The following FAM222B variants were observed in gnomAD, a reference collection of about 807,000 sequenced individuals.
The protein encoded by FAM222B is family with sequence similarity 222 member B.
Under a neutral mutation model 38.0 loss-of-function variants are expected in FAM222B, and 12 were observed. The ratio of observed to expected loss-of-function variants is 0.32; its 90% CI spans 0.20 to 0.51. The LOEUF (loss-of-function observed/expected upper bound fraction) is 0.51. Ranked by LOEUF, FAM222B falls within the 20% of genes least tolerant of loss-of-function variation. The pLI, the probability that FAM222B is intolerant of heterozygous loss-of-function variation, is 0.97. For missense variants in FAM222B, 716 were observed against 754.2 expected (o/e 0.95, Z 0.59); for synonymous variants, 329 against 317.2 (o/e 1.04, Z -0.40).
upstream of FAM222B, among the ~76,000 whole-genome samples, chr17:28,846,112 A>G (rs2039143820): frequency 6.6e-6 from 1 of 151,556 alleles, no homozygotes; most frequent in African/African-American, 2.4e-5. Context: ...CTGAGGCAGG[A>G]GAACGGCGTG....
intron 1 of FAM222B, among the ~76,000 whole-genome samples, chr17:28,772,157 C>CT (rs2035664866): frequency 6.6e-6 from 1 of 152,278 alleles, no homozygotes; most frequent in South Asian, 2.1e-4. Flanking sequence ...AGCTAATACT[C>CT]TGACGATGGG....
At chr17:28,764,286 A>G (rs2035225645) in intron 2 of FAM222B, among the ~76,000 whole-genome samples, 2 of 150,848 alleles carry the variant, frequency 1.3e-5, no homozygotes, top group African/African-American at 4.9e-5. Flanking sequence ...AAAAAAAAAA[A>G]AAAAAAAAGG....
At chr17:28,808,535 C>T (rs2037596356) in intron 1 of FAM222B, among the ~76,000 whole-genome samples, 1 of 152,346 alleles carries the variant, frequency 6.6e-6, no homozygotes, top group Non-Finnish European at 1.5e-5. Flanking sequence ...TTCAGTAACT[C>T]ACCAACAATA....
At chr17:28,770,151 C>G (rs1157798676) in intron 1 of FAM222B, among the ~76,000 whole-genome samples, 1 of 152,138 alleles carries the variant, frequency 6.6e-6, no homozygotes, top group Non-Finnish European at 1.5e-5. Context: ...CTCTCTCCAC[C>G]CCACTAGGAT....
intron 1 of FAM222B, among the ~76,000 whole-genome samples, chr17:28,795,521 G>C (rs1423992668): frequency 6.6e-6 from 1 of 152,094 alleles, no homozygotes; most frequent in Non-Finnish European, 1.5e-5. Flanking sequence ...TCGACTTCCC[G>C]GGCTCAGGTG....
At chr17:28,797,136 G>A (rs940421718) in intron 1 of FAM222B, among the ~76,000 whole-genome samples, 1 of 151,374 alleles carries the variant, frequency 6.6e-6, no homozygotes, top group Non-Finnish European at 1.5e-5. Context: ...CCGAGTAGCT[G>A]GGATTACAGA....
At chr17:28,815,404 C>CG (rs1742838454) in intron 1 of FAM222B, among the ~76,000 whole-genome samples, 1 of 151,926 alleles carries the variant, frequency 6.6e-6, no homozygotes. Context: ...TTAGTAGAGA[C>CG]GGGGTTTCAC....
chr17:28,841,875 C>G (rs921392562), intron 1 of FAM222B, among the ~76,000 whole-genome samples: 1 of 152,158 alleles, frequency 6.6e-6, no homozygotes, highest in Non-Finnish European at 1.5e-5. Context: ...ACTGGTAGTT[C>G]TGCACATGGT....
intron 1 of FAM222B, among the ~76,000 whole-genome samples, chr17:28,851,524 A>G (rs2039180852): frequency 6.6e-6 from 1 of 150,806 alleles, no homozygotes; most frequent in Non-Finnish European, 1.5e-5. Context: ...TCTCAAACGA[A>G]CAAACAAACA....
chr17:28,776,375 C>CAAA lies in FAM222B; in HGVS notation c.-40-9671_-40-9669dup, dbSNP rs35900323. On this transcript the variant is annotated intron_variant, in intron 1 of 2. Transcript: ENST00000581407. ...TGGGCAACAGAGCGAGACTCCGTCT[C>CAAA]AAAAAAAAAAAAAAAAAAAAGTCAT... is the stretch of plus-strand genomic sequence containing the variant. Among the ~76,000 whole-genome samples, 18 of 62,426 alleles carry CAAA rather than the reference C, an allele frequency of 2.9e-4. 1 individual carries two copies. Among genetic ancestry groups the CAAA allele is most frequent in the South Asian group, 2.6e-3 (4 of 1,512 alleles). 41.0% of individuals were successfully genotyped at this position (62,426 alleles called of 152,430 possible). A position where few individuals can be genotyped will look rare whatever the true frequency, so the allele number is the denominator to read the frequency against.
At chr17:28,811,174 C>T (rs1044704788) in intron 1 of FAM222B, among the ~76,000 whole-genome samples, 2 of 152,206 alleles carry the variant, frequency 1.3e-5, no homozygotes, top group Non-Finnish European at 2.9e-5. Context: ...GGCGCGGTGG[C>T]TCACGCCTGT....
At chr17:28,783,280 C>T (rs1401772871) in intron 1 of FAM222B, among the ~76,000 whole-genome samples, 1 of 151,918 alleles carries the variant, frequency 6.6e-6, no homozygotes, top group Admixed American at 6.6e-5. Flanking sequence ...GTAGCAAGGA[C>T]AAGTCATTCT....
chr17:28,829,252 T>C (rs1238637964), intron 1 of FAM222B, among the ~76,000 whole-genome samples: 1 of 141,832 alleles, frequency 7.1e-6, no homozygotes, highest in Non-Finnish European at 1.5e-5. Context: ...TTCACTCTTG[T>C]TGCCTCAGCT....
chr17:28,774,662 G>C (rs1367355348), intron 1 of FAM222B, among the ~76,000 whole-genome samples: 3 of 152,084 alleles, frequency 2.0e-5, no homozygotes, highest in Admixed American at 6.5e-5. Context: ...TGCTTTCCTG[G>C]GTGGCATCTG....
chr17:28,778,720 T>TATATATATATATATATA (rs1491503132), intron 1 of FAM222B, among the ~76,000 whole-genome samples: 3 of 35,956 alleles, frequency 8.3e-5, no homozygotes, highest in Admixed American at 4.3e-4. Context: ...TATATATATA[T>TATATATATATATATATA]TTTTTTTTTT....
intron 1 of FAM222B, among the ~76,000 whole-genome samples, chr17:28,798,339 G>A (rs1407172113): frequency 6.6e-6 from 1 of 152,084 alleles, no homozygotes; most frequent in African/African-American, 2.4e-5. Context: ...CCAAGATCAT[G>A]CCACTGCACT....
chr17:28,787,826 C>CTTTT (rs59467944), intron 1 of FAM222B, among the ~76,000 whole-genome samples: 1,429 of 130,110 alleles, frequency 0.011, 50 homozygotes, highest in African/African-American at 0.038. Flanking sequence ...ATAAAGTAGT[C>CTTTT]TTTTTTTTTT....
intron 1 of FAM222B, among the ~76,000 whole-genome samples, chr17:28,801,055 G>T (rs2037195077): frequency 6.6e-6 from 1 of 151,848 alleles, no homozygotes; most frequent in Non-Finnish European, 1.5e-5. Context: ...TACTCAGGAG[G>T]CTGAGGCAGG....
At chr17:28,831,911 C>T (rs1048230821) in intron 1 of FAM222B, among the ~76,000 whole-genome samples, 1 of 152,100 alleles carries the variant, frequency 6.6e-6, no homozygotes, top group African/African-American at 2.4e-5. Context: ...AATGCTGGGC[C>T]GAGTGCAGTG....
Sources: allele counts gnomAD v4.1 joint callset (sites outside exome capture counted in the v4.1 genomes callset), GRCh38; gene constraint gnomAD v4.1.1; transcripts MANE v1.5; gene names NCBI Gene and HGNC (gene_info 2026-07-23, HGNC 2026-07-21).